Variants in FER observed in about 807,000 individuals in gnomAD.
FER encodes the protein FER tyrosine kinase, also known as tyrosine-protein kinase Fer.
FER carries 63 observed loss-of-function variants against 111.0 expected under a neutral mutation model. The ratio of observed to expected loss-of-function variants is 0.57; its 90% CI spans 0.46 to 0.70. The LOEUF (loss-of-function observed/expected upper bound fraction) is 0.70. Ranked by LOEUF, FER falls within the 30% of genes least tolerant of loss-of-function variation. The probability of loss-of-function intolerance (pLI) is 0.00; values close to 1 mark genes in which losing one functional copy is unlikely to be tolerated. For synonymous variants in FER, 327 were observed against 313.9 expected (o/e 1.04, Z -0.44); for missense variants, 914 against 954.0 (o/e 0.96, Z 0.55).
intron 16 of FER, among the ~76,000 whole-genome samples, chr5:109,061,708 C>G (rs1343214569): frequency 2.0e-5 from 3 of 152,108 alleles, no homozygotes; most frequent in African/African-American, 7.2e-5. Context: ...AGGAAAATTT[C>G]TGTTTGAGTT....
At chr5:108,748,899 T>C (rs994228391) in intron 1 of FER, 1 of 153,482 alleles carries the variant, frequency 6.5e-6, no homozygotes, top group Admixed American at 6.5e-5. Context: ...TTGCAGAGGT[T>C]CGTGACAGTG....
At chr5:108,933,780 T>G (rs1202092392) in intron 10 of FER, among the ~76,000 whole-genome samples, 3 of 152,192 alleles carry the variant, frequency 2.0e-5, no homozygotes, top group Admixed American at 6.5e-5. Flanking sequence ...CTGATTTCCT[T>G]GAGCAGTGGT....
rs1030906789 is a variant in FER, at chr5:109,009,044, C to CTTTTTT, written c.1657-28362_1657-28357dup. Among the ~76,000 whole-genome samples, 198 of 115,992 alleles carry CTTTTTT rather than the reference C, an allele frequency of 1.7e-3. 4 individuals carry two copies. The highest frequency in any genetic ancestry group is 5.7e-3 in the African/African-American group (173 of 30,098). 76.1% of individuals were successfully genotyped at this position (115,992 alleles called of 152,430 possible). On this transcript the variant is annotated intron_variant, in intron 13 of 19. Transcript: ENST00000281092. Reference sequence around the variant, plus strand: ...CACTAGTCTAGTCTTCCTCTTCAGTCTTTTTTTTTTTTTTTTTTTTTGAAA... The same window carrying CTTTTTT: ...CACTAGTCTAGTCTTCCTCTTCAGTCTTTTTTTTTTTTTTTTTTTTTTTTTTTGAAA...
chr5:109,018,906 T>C (rs556657551), intron 13 of FER, among the ~76,000 whole-genome samples: 2 of 151,718 alleles, frequency 1.3e-5, no homozygotes, highest in East Asian at 3.9e-4. Flanking sequence ...AAACCTTGAT[T>C]ACTGTGGGTA....
At chr5:108,914,607 A>G (rs1324644873) in intron 10 of FER, among the ~76,000 whole-genome samples, 1 of 152,200 alleles carries the variant, frequency 6.6e-6, no homozygotes, top group African/African-American at 2.4e-5. Flanking sequence ...AGACATTAAT[A>G]TGTACCTCAA....
chr5:108,949,283 C>A (rs990380777), intron 11 of FER, among the ~76,000 whole-genome samples: 4 of 151,956 alleles, frequency 2.6e-5, no homozygotes, highest in African/African-American at 9.7e-5. Context: ...CTTGTACTTT[C>A]TTTAATCAAG....
chr5:108,863,965 C>T (rs983574184), intron 5 of FER, among the ~76,000 whole-genome samples: 1 of 152,074 alleles, frequency 6.6e-6, no homozygotes, highest in South Asian at 2.1e-4. Context: ...TGCTTCCCTC[C>T]TGCCACTCTA....
At chr5:108,971,103 A>T (rs1760592349) in intron 13 of FER, among the ~76,000 whole-genome samples, 1 of 151,906 alleles carries the variant, frequency 6.6e-6, no homozygotes, top group African/African-American at 2.4e-5. Flanking sequence ...AACAGAAAAA[A>T]ATCAATGTTC....
At position 109,022,454 on chromosome 5, in the gene FER, G is replaced by A. The variant is rs78914541; in HGVS notation, c.1657-14968G>A. Among the ~76,000 whole-genome samples, 902 of 152,260 alleles carry A rather than the reference G, an allele frequency of 5.9e-3. 6 individuals are homozygous for A. Among genetic ancestry groups the A allele is most frequent in the African/African-American group, 0.021 (864 of 41,556 alleles). On this transcript the variant is annotated intron_variant, in intron 13 of 19. Transcript: ENST00000281092. The stretch of plus-strand genomic sequence containing the variant: ...ACTTCTCCTATACTGCCATGTTCTA[G>A]TGCAGAAGTCTTGAAGTGAATATTT...
intron 4 of FER, 99 bp from the exon 5 acceptor site, chr5:108,835,609 G>C (rs1760572548): frequency 1.5e-6 from 1 of 667,022 alleles, no homozygotes; most frequent in Non-Finnish European, 2.6e-6. Flanking sequence ...TGACCTGTAA[G>C]TAGTGAAATA....
chr5:108,956,419 C>T (rs1304412776), intron 12 of FER, among the ~76,000 whole-genome samples: 1 of 151,460 alleles, frequency 6.6e-6, no homozygotes, highest in Non-Finnish European at 1.5e-5. Flanking sequence ...AAATATTTGT[C>T]TTATTATCAC....
At chr5:108,846,617 C>G (rs1276230931) in intron 5 of FER, among the ~76,000 whole-genome samples, 2 of 152,010 alleles carry the variant, frequency 1.3e-5, no homozygotes, top group African/African-American at 4.8e-5. Context: ...CAGTCTTGCT[C>G]TGTCACCCAG....
intron 13 of FER, among the ~76,000 whole-genome samples, chr5:109,023,755 C>T (rs1768267888): frequency 6.6e-6 from 1 of 151,948 alleles, no homozygotes; most frequent in South Asian, 2.1e-4. Context: ...ATGCCTAGCA[C>T]AGTGCCTGTC....
At chr5:108,896,596 A>G (rs767594822) in intron 9 of FER, among the ~76,000 whole-genome samples, 2 of 152,126 alleles carry the variant, frequency 1.3e-5, no homozygotes, top group Non-Finnish European at 2.9e-5. Context: ...ACTTGTTACA[A>G]TAAGGAGATT....
At chr5:108,825,016 G>T (rs569259091) in intron 3 of FER, among the ~76,000 whole-genome samples, 6 of 152,186 alleles carry the variant, frequency 3.9e-5, no homozygotes, top group African/African-American at 1.4e-4. Flanking sequence ...GCGAATAGGT[G>T]TGGGTGACAG....
chr5:108,861,572 G>GA (rs895582728), intron 5 of FER, among the ~76,000 whole-genome samples: 1 of 151,666 alleles, frequency 6.6e-6, no homozygotes, highest in African/African-American at 2.4e-5. Flanking sequence ...ATCATTTAAA[G>GA]AAAAAAGAAA....
intron 3 of FER, 40 bp from the exon 4 acceptor site, chr5:108,832,730 T>A: frequency 2.1e-6 from 3 of 1,417,464 alleles, no homozygotes; most frequent in Non-Finnish European, 2.8e-6. Context: ...AATGGAAACC[T>A]TTAATGCAAA....
At chr5:108,805,074 C>G (rs964288918) in intron 3 of FER, among the ~76,000 whole-genome samples, 6 of 151,464 alleles carry the variant, frequency 4.0e-5, no homozygotes, top group Admixed American at 2.6e-4. Flanking sequence ...CGGCTGTGTC[C>G]CCACCCAAAT....
chr5:109,036,938 A>C (rs886886257), intron 13 of FER, among the ~76,000 whole-genome samples: 6 of 152,064 alleles, frequency 3.9e-5, no homozygotes, highest in African/African-American at 1.4e-4. Context: ...ATATGGGACT[A>C]TATGAAGTGT....
Sources: gnomAD v4.1 joint callset for allele counts (sites outside exome capture counted in the v4.1 genomes callset) on GRCh38, gnomAD v4.1.1 for gene constraint, MANE v1.5 for transcripts, NCBI Gene and HGNC (gene_info 2026-07-23, HGNC 2026-07-21) for gene names.